PHF20: variants seen among roughly 807,000 people sequenced by gnomAD.
PHF20 encodes the protein glioma-expressed antigen 2.
A neutral mutation model predicts 113.5 loss-of-function variants in PHF20; 23 were observed. That is an observed-to-expected ratio of 0.20 (90% CI 0.15 to 0.29). The LOEUF (loss-of-function observed/expected upper bound fraction) is 0.29, where lower values mean the gene tolerates loss of function less well. Among genes scored for constraint, PHF20 ranks in the 10% least tolerant of loss-of-function variants. The pLI is 1.00. For synonymous variants in PHF20, 434 were observed against 457.3 expected (o/e 0.95, Z 0.65); for missense variants, 943 against 1,219.6 (o/e 0.77, Z 3.38).
At chr20:35,938,338 A>T in intron 15 of PHF20, among the ~76,000 whole-genome samples, 1 of 152,138 alleles carries the variant, frequency 6.6e-6, no homozygotes, top group East Asian at 1.9e-4. Flanking sequence ...TGAGGGGCTT[A>T]GAATTTTATT....
intron 1 of PHF20, 131 bp from the exon 2 acceptor site, chr20:35,801,360 A>G (rs1255402540): frequency 1.5e-5 from 8 of 550,476 alleles, no homozygotes; most frequent in Non-Finnish European, 2.6e-5. Flanking sequence ...CTGTGTTAGA[A>G]TGAGGACACC....
chr20:35,775,231 A>C (rs1231918456), intron 1 of PHF20, among the ~76,000 whole-genome samples: 1 of 152,068 alleles, frequency 6.6e-6, no homozygotes, highest in Admixed American at 6.6e-5. Context: ...ATGGGACCTG[A>C]ATGCATTTCT....
Position 35,938,993 on chromosome 20 carries a change from A to C in PHF20, c.2597A>C (p.Asp866Ala). Reference protein sequence around the residue: ...VVETRGSALDDAVNPLHENGD... With the variant: ...VVETRGSALDAAVNPLHENGD... ...GAGACGAGGGGCTCTGCCCTCGACG[A>C]TGCGGTCAACCCCCTCCATGAGAAC... is the stretch of plus-strand genomic sequence containing the variant. The change falls in exon 16 of 18, where the codon GAT becomes GCT. Residue 866 changes from aspartate to alanine, a missense_variant. Coordinates refer to ENST00000374012, the MANE Select transcript of PHF20 (RefSeq NM_016436.5). The C allele has an allele frequency of 6.2e-7, 1 of 1,614,138 alleles. No individual in the cohort carries two copies. The highest frequency in any genetic ancestry group is 8.5e-7 in the Non-Finnish European group (1 of 1,180,024).
At chr20:35,824,212 TGCTCTGCA>T in intron 2 of PHF20, among the ~76,000 whole-genome samples, 1 of 152,338 alleles carries the variant, frequency 6.6e-6, no homozygotes, top group East Asian at 1.9e-4. Flanking sequence ...GAATTCCAGT[TGCTCTGCA>T]TTGTTGTCAG....
At chr20:35,858,024 A>G (rs1294508490) in intron 4 of PHF20, among the ~76,000 whole-genome samples, 1 of 152,214 alleles carries the variant, frequency 6.6e-6, no homozygotes, top group Non-Finnish European at 1.5e-5. Flanking sequence ...CTTCACTTAA[A>G]TTCAGTGAAA....
Position 35,937,237 on chromosome 20 carries a change from G to A in PHF20, c.2301-1460G>A, listed in dbSNP as rs545891519. ...GGCTCCCAGCACTTTGGGAGGTCGA[G>A]GTGGGCGGATCACCTGAGGTTGGGA... On this transcript the variant is annotated intron_variant, in intron 15 of 17. Coordinates refer to ENST00000374012, the MANE Select transcript of PHF20 (RefSeq NM_016436.5). Among the ~76,000 whole-genome samples the A allele has an allele frequency of 2.0e-5, 3 of 152,272 alleles. No individual in the cohort carries two copies. The East Asian group carries it at 5.8e-4, about 29-fold the overall frequency.
At chr20:35,929,394 GAA>G (rs2055706722) in intron 14 of PHF20, among the ~76,000 whole-genome samples, 1 of 152,248 alleles carries the variant, frequency 6.6e-6, no homozygotes, top group African/African-American at 2.4e-5. Context: ...CCCAAGGAAA[GAA>G]TAGTCAGAAG....
In PHF20 at chr20:35,847,447, A is replaced by G; in HGVS notation, c.340+13A>G. On this transcript the variant is annotated intron_variant, in intron 4 of 17. Coordinates refer to ENST00000374012, the MANE Select transcript of PHF20 (RefSeq NM_016436.5). The stretch of plus-strand genomic sequence containing the variant: ...GTTAACAAGGATGGTAAGGCATTTG[A>G]GTTGTAGTTGTTTTTACTCATGACT... The G allele has an allele frequency of 6.3e-7, 1 of 1,575,006 alleles. No homozygotes were observed. Among genetic ancestry groups the G allele is most frequent in the Non-Finnish European group, 8.7e-7 (1 of 1,146,726 alleles).
intron 10 of PHF20, among the ~76,000 whole-genome samples, chr20:35,912,353 T>C (rs928382086): frequency 6.6e-6 from 1 of 152,206 alleles, no homozygotes; most frequent in African/African-American, 2.4e-5. Context: ...GGAAGCTTTT[T>C]AGAATGTAAT....
intron 5 of PHF20, among the ~76,000 whole-genome samples, chr20:35,861,861 G>A (rs1428717722): frequency 1.3e-5 from 2 of 152,254 alleles, no homozygotes; most frequent in East Asian, 3.9e-4. Flanking sequence ...TATTTGTTGA[G>A]TATTTAGGTA....
At chr20:35,785,451 G>A (rs1221205602) in intron 1 of PHF20, among the ~76,000 whole-genome samples, 1 of 151,830 alleles carries the variant, frequency 6.6e-6, no homozygotes. Context: ...TCCCGAGTAG[G>A]TGGTGCTACG....
At chr20:35,914,609 A>G (rs1480376526) in intron 12 of PHF20, among the ~76,000 whole-genome samples, 1 of 152,236 alleles carries the variant, frequency 6.6e-6, no homozygotes, top group Non-Finnish European at 1.5e-5. Context: ...TAAACTATTC[A>G]TCAACAAGAG....
At chr20:35,780,579 C>T (rs1185105446) in intron 1 of PHF20, among the ~76,000 whole-genome samples, 1 of 138,894 alleles carries the variant, frequency 7.2e-6, no homozygotes, top group Non-Finnish European at 1.5e-5. Flanking sequence ...CAGAGTCTGA[C>T]TCTGTCTCCC....
intron 13 of PHF20, 80 bp downstream of exon 13, chr20:35,917,742 C>A: frequency 8.3e-7 from 1 of 1,203,760 alleles, no homozygotes; most frequent in Non-Finnish European, 1.2e-6. Context: ...GCAACAATGG[C>A]AAGTCATAGC....
chr20:35,887,830 A>G (rs1016016827), intron 9 of PHF20: 1 of 151,426 alleles, frequency 6.6e-6, no homozygotes, highest in African/African-American at 2.4e-5. Flanking sequence ...AAAAAAAAGA[A>G]GAAGTTACAG....
chr20:35,882,030 T>A (rs569309171), intron 9 of PHF20, among the ~76,000 whole-genome samples: 5 of 152,386 alleles, frequency 3.3e-5, no homozygotes, highest in Admixed American at 3.3e-4. Context: ...AATTTTTAAA[T>A]GTCATCTTGA....
chr20:35,888,344 G>A (rs1052931187), intron 9 of PHF20, among the ~76,000 whole-genome samples: 2 of 152,102 alleles, frequency 1.3e-5, no homozygotes, highest in Non-Finnish European at 2.9e-5. Flanking sequence ...CCAAAGTATA[G>A]TAGTAATTTA....
chr20:35,869,962 A>C (rs7261652), intron 7 of PHF20, among the ~76,000 whole-genome samples: 7,390 of 151,766 alleles, frequency 0.049, 231 homozygotes, highest in African/African-American at 0.1. Flanking sequence ...GAGTTTGAGA[A>C]CAGCCTGGCC....
At chr20:35,803,682 A>ATGTGTGTGTG (rs1391670416) in intron 2 of PHF20, among the ~76,000 whole-genome samples, 12 of 124,206 alleles carry the variant, frequency 9.7e-5, no homozygotes, top group African/African-American at 3.6e-4. Flanking sequence ...CAGTATATAT[A>ATGTGTGTGTG]TATGTGTGTG....
Sources: gnomAD v4.1 joint callset for allele counts (sites outside exome capture counted in the v4.1 genomes callset) on GRCh38, gnomAD v4.1.1 for gene constraint, MANE v1.5 for transcripts, NCBI Gene and HGNC (gene_info 2026-07-23, HGNC 2026-07-21) for gene names.